Variants in KIF3C observed in about 807,000 individuals in gnomAD.
KIF3C encodes kinesin family member 3C, also known as kinesin-like protein KIF3C.
Under a neutral mutation model 67.7 loss-of-function variants are expected in KIF3C, and 12 were observed. The ratio of observed to expected loss-of-function variants is 0.18; its 90% confidence interval spans 0.11 to 0.29. The LOEUF (loss-of-function observed/expected upper bound fraction) is 0.29, where lower values mean the gene tolerates loss of function less well. Ranked by LOEUF, KIF3C falls within the 10% of genes least tolerant of loss-of-function variation. KIF3C has a pLI of 1.00. For missense variants in KIF3C, 789 were observed against 1,059.6 expected, an observed-to-expected ratio of 0.74 and a Z score of 3.55; for synonymous variants, 393 against 426.2, an observed-to-expected ratio of 0.92 and a Z score of 0.96.
rs375850803 is a variant in KIF3C at position 25,929,024 on chromosome 2, A to G, written c.2336T>C (p.Leu779Pro). The change falls in exon 8 of 8, where the codon CTG (leucine) becomes CCG (proline). Residue 779 changes from leucine (L) to proline (P), a missense_variant. Leu to Pro is a moderately conservative substitution (Grantham distance 98). Around this residue, in one of 2 missense-constraint regions of KIF3C, gnomAD observed 648 missense variants for 807.8 expected, o/e 0.80. Transcript: ENST00000264712. ...RPPPSTTHASLASASLRPATV... is the reference protein window; with the variant it reads ...RPPPSTTHASPASASLRPATV... ...TGCAGGGCGCAGAGAAGCAGAGGCC[A>G]GGGAGGCATGTGTGGTGGAAGGTGG... is the stretch of plus-strand genomic sequence containing the variant. 77 of 1,613,800 alleles carry G rather than the reference A, an allele frequency of 4.8e-5. No individual in the cohort carries two copies. In the African/African-American group the frequency reaches 9.6e-4, roughly 20 times the overall value.
intron 5 of KIF3C, among the ~76,000 whole-genome samples, chr2:25,949,698 A>C (rs1663545998): frequency 6.6e-6 from 1 of 152,248 alleles, no homozygotes; most frequent in Non-Finnish European, 1.5e-5. Context: ...GGACTGGTGC[A>C]GTGGCTCATG....
At position 25,982,363 on chromosome 2, in the gene KIF3C, G is replaced by C; in HGVS notation, c.-446C>G. ...CCGGTCGTGGGCGGCCGGGGGTCCCGGGCCTCCCGAGGGCAGAGGCTCACC... is the reference window on the plus strand; with the variant it reads ...CCGGTCGTGGGCGGCCGGGGGTCCCCGGCCTCCCGAGGGCAGAGGCTCACC... On this transcript the variant is annotated 5_prime_UTR_variant, in exon 1 of 8. Transcript: ENST00000264712. The C allele has an allele frequency of 2.5e-6, 1 of 399,044 alleles. No individual in the cohort carries two copies. The highest frequency in any genetic ancestry group is 4.4e-6 in the Non-Finnish European group (1 of 226,434). The allele number at this position is 399,044 out of a possible 1,614,324, so 24.7% of individuals were successfully genotyped here.
chr2:25,963,124 G>A (rs1188613855), intron 1 of KIF3C, among the ~76,000 whole-genome samples: 1 of 94,080 alleles, frequency 1.1e-5, no homozygotes, highest in Admixed American at 1.6e-4. Flanking sequence ...ATAGATACAT[G>A]TATATGTATA....
intron 1 of KIF3C, among the ~76,000 whole-genome samples, chr2:25,959,202 T>C (rs755656733): frequency 2.6e-5 from 4 of 152,216 alleles, no homozygotes; most frequent in Non-Finnish European, 5.9e-5. Flanking sequence ...ACCTTGACCA[T>C]TGGGAAATTT....
chr2:25,962,266 T>C (rs746858044), intron 1 of KIF3C, among the ~76,000 whole-genome samples: 15 of 152,122 alleles, frequency 9.9e-5, no homozygotes, highest in Non-Finnish European at 2.1e-4. Context: ...TTCTCTCCTT[T>C]CAGAAAAAAA....
At chr2:25,948,632 G>GAAAGAGAGAAAGAGAA (rs1553714500) in intron 5 of KIF3C, among the ~76,000 whole-genome samples, 1 of 100,578 alleles carries the variant, frequency 9.9e-6, no homozygotes, top group Non-Finnish European at 2.1e-5. Flanking sequence ...GAGAGAAAGA[G>GAAAGAGAGAAAGAGAA]AGAGAGAAAG....
chr2:25,951,898 T>G lies in KIF3C; in HGVS notation c.1897A>C (p.Ile633Leu). ...TCCGGCGGGATGAAGTTCTCGATGA[T>G]TAGGTACCTGGGAGCAGGAATGAAG... ...QTRELKLKYL[I>L]IENFIPPEEK... The change falls in exon 5 of 8, where the codon ATC (isoleucine) becomes CTC (leucine). Residue 633 changes from isoleucine (I) to leucine (L), a missense_variant. Ile to Leu is a conservative substitution (Grantham distance 5, BLOSUM62 2). Coordinates refer to ENST00000264712, the MANE Select transcript of KIF3C (RefSeq NM_002254.8). 1 of 1,610,020 alleles carries G rather than the reference T, an allele frequency of 6.2e-7. No homozygotes were observed. The highest frequency in any genetic ancestry group is 8.5e-7 in the Non-Finnish European group (1 of 1,176,534).
chr2:25,968,018 C>T (rs966804047), intron 1 of KIF3C, among the ~76,000 whole-genome samples: 7 of 152,176 alleles, frequency 4.6e-5, no homozygotes, highest in Admixed American at 1.3e-4. Flanking sequence ...CAACAGACCC[C>T]GCTTCCATCT....
rs2119106 is a variant in KIF3C, at chr2:25,982,079, A to G, written c.-162T>C. 6.1e-5 allele frequency: 35 copies of G among 570,330 alleles called. No individual in the cohort carries two copies. Among genetic ancestry groups the G allele is most frequent in the East Asian group, 4.1e-4 (14 of 33,866 alleles). 35.3% of individuals were successfully genotyped at this position (570,330 alleles called of 1,614,324 possible). On this transcript the variant is annotated 5_prime_UTR_variant, in exon 1 of 8. Coordinates refer to ENST00000264712, the MANE Select transcript of KIF3C (RefSeq NM_002254.8). The stretch of plus-strand genomic sequence containing the variant: ...GTGGGGACGCTGGGAGGTGGCCCCA[A>G]CGCTGCTGCAGTCCGGGCCTCCACC...
At chr2:25,930,214 A>C in intron 5 of KIF3C, 151 bp from the exon 6 acceptor site, 1 of 635,938 alleles carries the variant, frequency 1.6e-6, no homozygotes, top group Non-Finnish European at 2.8e-6. Flanking sequence ...ACAGCTTGAC[A>C]ACTGAAGCTA....
intron 1 of KIF3C, among the ~76,000 whole-genome samples, chr2:25,966,619 A>G (rs1216168271): frequency 6.6e-6 from 1 of 152,152 alleles, no homozygotes; most frequent in African/African-American, 2.4e-5. Flanking sequence ...GAGCGGGGAG[A>G]AAGGAGGCCC....
At chr2:25,932,344 G>A (rs1432340754) in intron 5 of KIF3C, among the ~76,000 whole-genome samples, 3 of 149,618 alleles carry the variant, frequency 2.0e-5, no homozygotes, top group African/African-American at 7.4e-5. Flanking sequence ...TCACCATCTT[G>A]GCCAGGCTGG....
At chr2:25,934,377 G>A (rs1325226639) in intron 5 of KIF3C, among the ~76,000 whole-genome samples, 1 of 151,976 alleles carries the variant, frequency 6.6e-6, no homozygotes, top group African/African-American at 2.4e-5. Context: ...TCAGGAGTTC[G>A]AGACCAGCGT....
At chr2:25,949,311 C>T (rs1004643314) in intron 5 of KIF3C, among the ~76,000 whole-genome samples, 5 of 152,002 alleles carry the variant, frequency 3.3e-5, no homozygotes, top group South Asian at 2.1e-4. Flanking sequence ...CAGTGGCTCA[C>T]GCCTGTAATC....
Position 25,950,258 on chromosome 2 carries a change from C to A in KIF3C, c.2006+1531G>T, listed in dbSNP as rs1379336875. ...TTGAGACGGAGTCTTGCTCTTGTTG[C>A]CCAGGCTGGAGCGCAATGGAGTGAT... On this transcript the variant is annotated intron_variant, in intron 5 of 7. Coordinates refer to ENST00000264712, the MANE Select transcript of KIF3C (RefSeq NM_002254.8). 1.6e-4 allele frequency among the ~76,000 whole-genome samples: 24 copies of A among 149,350 alleles called. No individual in the cohort carries two copies. In the Admixed American group the frequency reaches 1.6e-3, roughly 10 times the overall value.
Position 25,928,605 on chromosome 2 carries a change from A to G in KIF3C, c.*373T>C. The G allele has an allele frequency of 5.6e-6, 1 of 177,560 alleles. No individual in the cohort carries two copies. The highest frequency in any genetic ancestry group is 2.4e-5 in the African/African-American group (1 of 42,198). The allele number at this position is 177,560 out of a possible 1,614,324, so 11.0% of individuals were successfully genotyped here. A position where few individuals can be genotyped will look rare whatever the true frequency, so the allele number is the denominator to read the frequency against. On this transcript the variant is annotated 3_prime_UTR_variant, in exon 8 of 8. Transcript: ENST00000264712. ...GAGGTTATGGAGTGCGGTGGGTAGA[A>G]AAGGGACTGTCTTCTCAGGCACTGG...
rs554107318 is a variant in KIF3C, at chr2:25,955,269, A to G, written c.1770+272T>C. Among the ~76,000 whole-genome samples, 112 of 152,046 alleles carry G rather than the reference A, an allele frequency of 7.4e-4. No homozygotes were observed. The highest frequency in any genetic ancestry group is 1.4e-3 in the Non-Finnish European group (92 of 67,982). The stretch of plus-strand genomic sequence containing the variant: ...ACTGGTGACACTGAACGGGGTAATC[A>G]CCCAGGACCATGAAGATGGTAACGC... On this transcript the variant is annotated intron_variant, in intron 3 of 7. Transcript: ENST00000264712. The surrounding 1 kb of genome is among the most constrained non-coding windows in gnomAD (Gnocchi z 5.0).
chr2:25,956,414 T>C lies in KIF3C; in HGVS notation c.1576A>G (p.Arg526Gly), dbSNP rs746556105. 2 of 1,614,128 alleles carry C rather than the reference T, an allele frequency of 1.2e-6. No homozygotes were observed. The highest frequency in any genetic ancestry group is 4.5e-5 in the East Asian group (2 of 44,880). The change falls in exon 2 of 8, where the codon AGG (arginine) becomes GGG (glycine). Residue 526 changes from arginine (R) to glycine (G), a missense_variant. Arg to Gly is a moderately radical substitution (Grantham distance 125, BLOSUM62 -2). Transcript: ENST00000264712. ...TCGTTGGTGTGATCCATGATGTTCC[T>C]GCCCCCGATGAGGAGCTTGCTCTCC... is the stretch of plus-strand genomic sequence containing the variant. ...AMESKLLIGGRNIMDHTNEQQ... is the reference protein window; with the variant it reads ...AMESKLLIGGGNIMDHTNEQQ...
chr2:25,935,556 CTCACT>C (rs1251793616), intron 5 of KIF3C, among the ~76,000 whole-genome samples: 2 of 152,020 alleles, frequency 1.3e-5, no homozygotes, highest in African/African-American at 4.8e-5. Context: ...TTGACAGGGT[CTCACT>C]CTGTTGCCCA....
Sources: allele counts gnomAD v4.1 joint callset (sites outside exome capture counted in the v4.1 genomes callset), GRCh38; gene constraint gnomAD v4.1.1; regional missense constraint gnomAD v4.1.1; non-coding constraint Gnocchi (gnomAD v3.1); transcripts MANE v1.5; gene names NCBI Gene and HGNC (gene_info 2026-07-23, HGNC 2026-07-21).